The following USP38 variants were observed in gnomAD, a reference collection of about 807,000 sequenced individuals.
USP38 encodes the protein ubiquitin specific peptidase 38.
In USP38, 49 loss-of-function variants were observed where a neutral mutation model predicts 94.3. The ratio of observed to expected loss-of-function variants is 0.52; its 90% CI spans 0.41 to 0.66. The LOEUF (loss-of-function observed/expected upper bound fraction) is 0.66. Ranked by LOEUF, USP38 falls within the 30% of genes least tolerant of loss-of-function variation. The pLI, the probability that USP38 is intolerant of heterozygous loss-of-function variation, is 0.00. For synonymous variants in USP38, 468 were observed against 463.6 expected (o/e 1.01, Z -0.12); for missense variants, 1,128 against 1,229.4 (o/e 0.92, Z 1.23).
chr4:143,211,485 A>T (rs1395829308), intron 7 of USP38, among the ~76,000 whole-genome samples: 1 of 152,110 alleles, frequency 6.6e-6, no homozygotes, highest in Non-Finnish European at 1.5e-5. Context: ...CAGGGTTGAG[A>T]TATGAACCAA....
Position 143,185,979 on chromosome 4 carries a change from C to T in USP38, c.529C>T (p.His177Tyr). Residue 177 changes from histidine (H) to tyrosine (Y), a missense_variant, in exon 1 of 10, where the codon CAT (histidine) becomes TAT (tyrosine). By Grantham distance (83) the His-to-Tyr change is moderately conservative. Coordinates refer to ENST00000307017, the MANE Select transcript of USP38 (RefSeq NM_032557.6). ...FCQQLVRTIGHFQCVSTQERE... is the reference protein window; with the variant it reads ...FCQQLVRTIGYFQCVSTQERE... ...TCAACAGCTGGTTCGAACGATAGGC[C>T]ATTTCCAGTGCGTGTCCACCCAGGA... The T allele has an allele frequency of 1.2e-6, 2 of 1,614,172 alleles. No individual in the cohort carries two copies. Among genetic ancestry groups the T allele is most frequent in the Non-Finnish European group, 1.7e-6 (2 of 1,180,046 alleles).
At position 143,185,583 on chromosome 4, in the gene USP38, A is replaced by G; in HGVS notation, c.133A>G (p.Thr45Ala). The G allele has an allele frequency of 6.2e-7, 1 of 1,614,098 alleles. No individual in the cohort carries two copies. Among genetic ancestry groups the G allele is most frequent in the Admixed American group, 1.7e-5 (1 of 60,016 alleles). Residue 45 changes from threonine to alanine, a missense_variant, in exon 1 of 10, where the codon ACG (threonine) becomes GCG (alanine). Transcript: ENST00000307017. ...EAQCEAMFDL[T>A]TRLILEGQDP... ...GCAGTGCGAGGCCATGTTTGACCTGACGACCCGGCTCATCCTGGAGGGCCA... is the reference window on the plus strand; with the variant it reads ...GCAGTGCGAGGCCATGTTTGACCTGGCGACCCGGCTCATCCTGGAGGGCCA...
At position 143,213,945 on chromosome 4, in the gene USP38, C is replaced by T; in HGVS notation, c.1969C>T (p.Pro657Ser). 6.2e-7 allele frequency: 1 copy of T among 1,613,668 alleles called. No individual in the cohort carries two copies. The highest frequency in any genetic ancestry group is 8.5e-7 in the Non-Finnish European group (1 of 1,179,796). The change falls in exon 9 of 10, where the codon CCA becomes TCA. Residue 657 changes from proline (P) to serine (S), a missense_variant. Physicochemically the swap from Pro to Ser is moderately conservative, Grantham distance 74 (BLOSUM62 -1). Transcript: ENST00000307017. ...CTCTGTACCCGGTCCTTCAGAAGAA[C>T]CAGTAGTTTATAATCCAACAACAGC... The part of the protein sequence containing the change: ...QASVPGPSEE[P>S]VVYNPTTAAF...
chr4:143,193,753 A>C (rs1201941316), intron 2 of USP38, among the ~76,000 whole-genome samples: 2 of 152,270 alleles, frequency 1.3e-5, no homozygotes, highest in African/African-American at 4.8e-5. Flanking sequence ...AGATAGTTAT[A>C]TAACACAACT....
chr4:143,186,020 A>G lies in USP38; in HGVS notation c.570A>G (p.Glu190=). Residue 190 remains glutamate, a synonymous_variant, in exon 1 of 10, where the codon GAA becomes GAG. Coordinates refer to ENST00000307017, the MANE Select transcript of USP38 (RefSeq NM_032557.6). ...CVSTQERELR[E]YVSQVTKVSN... is the part of the protein sequence containing the mutation. The stretch of plus-strand genomic sequence containing the variant: ...CCACCCAGGAAAGAGAGCTGCGGGA[A>G]TATGTCTCCCAGGTGACAAAAGTGA... The G allele has an allele frequency of 6.2e-7, 1 of 1,614,210 alleles. No individual in the cohort carries two copies. The highest frequency in any genetic ancestry group is 1.3e-5 in the African/African-American group (1 of 75,042).
In USP38 at chr4:143,214,919, A is replaced by G; in HGVS notation, c.2943A>G (p.Thr981=). Residue 981 remains threonine, a synonymous_variant, in exon 9 of 10, where the codon ACA becomes ACG. Transcript: ENST00000307017. ...PLQKELMDAI[T]KDNKLYLQEQ... ...AGAAAGAACTTATGGATGCTATAAC[A>G]AAAGACAATAAACTATATTTACAGG... 1 of 1,612,388 alleles carries G rather than the reference A, an allele frequency of 6.2e-7. No individual in the cohort carries two copies. The highest frequency in any genetic ancestry group is 2.2e-5 in the East Asian group (1 of 44,814).
At chr4:143,204,489 A>G in intron 5 of USP38, 1 of 437,086 alleles carries the variant, frequency 2.3e-6, no homozygotes, top group Non-Finnish European at 4.5e-6. Context: ...TCTTGAGCTC[A>G]AGTGACCCTC....
At chr4:143,203,346 G>A (rs1298130237) in intron 4 of USP38, 62 bp from the exon 5 acceptor site, 1 of 1,502,858 alleles carries the variant, frequency 6.7e-7, no homozygotes, top group Non-Finnish European at 9.1e-7. Flanking sequence ...TCTGTTTGTA[G>A]GCTAGAGAAT....
chr4:143,186,198 A>G (rs1466307863), intron 1 of USP38, 66 bp downstream of exon 1: 6 of 1,476,632 alleles, frequency 4.1e-6, no homozygotes, highest in African/African-American at 2.8e-5. Flanking sequence ...GCACACACAC[A>G]TTCACACCAT....
At chr4:143,195,688 T>C (rs1336629343) in intron 2 of USP38, 28 bp from the exon 3 acceptor site, 1 of 1,567,420 alleles carries the variant, frequency 6.4e-7, no homozygotes, top group South Asian at 1.2e-5. Flanking sequence ...TTTTCAATAA[T>C]GATTGTTTCA....
At chr4:143,212,229 C>G (rs1732045256) in intron 7 of USP38, 89 bp from the exon 8 acceptor site, 1 of 1,022,664 alleles carries the variant, frequency 9.8e-7, no homozygotes, top group Admixed American at 3.0e-5. Flanking sequence ...TGTAAATAAC[C>G]TTTATTAAAC....
rs546515839 is a variant in USP38 at position 143,212,488 on chromosome 4, A to C, written c.1604+64A>C. 5 of 1,059,868 alleles carry C rather than the reference A, an allele frequency of 4.7e-6. No homozygotes were observed. The East Asian group carries it at 8.2e-5, about 17-fold the overall frequency. The allele number at this position is 1,059,868 out of a possible 1,614,324, so 65.7% of individuals were successfully genotyped here. A position where few individuals can be genotyped will look rare whatever the true frequency, so the allele number is the denominator to read the frequency against. On this transcript the variant is annotated intron_variant, in intron 8 of 9. Coordinates refer to ENST00000307017, the MANE Select transcript of USP38 (RefSeq NM_032557.6). The stretch of plus-strand genomic sequence containing the variant: ...TTTCATAACAGTTTAATTCTACTTA[A>C]TATTGCTTTTACCTTTAAAAACATA...
intron 7 of USP38, among the ~76,000 whole-genome samples, chr4:143,210,038 C>A (rs1731980393): frequency 6.6e-6 from 1 of 152,070 alleles, no homozygotes; most frequent in African/African-American, 2.4e-5. Flanking sequence ...CAATAATGAG[C>A]AAATAAAATA....
chr4:143,193,435 T>G (rs956625817), intron 2 of USP38, among the ~76,000 whole-genome samples: 2 of 152,222 alleles, frequency 1.3e-5, no homozygotes, highest in African/African-American at 2.4e-5. Flanking sequence ...TGTACACATA[T>G]GCAAGTGTGT....
At chr4:143,207,369 C>A (rs906198424) in intron 6 of USP38, among the ~76,000 whole-genome samples, 1 of 152,166 alleles carries the variant, frequency 6.6e-6, no homozygotes, top group Admixed American at 6.5e-5. Context: ...GAAACCCCGT[C>A]TCTACTAAAA....
intron 7 of USP38, among the ~76,000 whole-genome samples, chr4:143,210,460 G>T (rs1280111155): frequency 5.3e-5 from 8 of 151,960 alleles, no homozygotes; most frequent in Non-Finnish European, 1.2e-4. Context: ...GGTGGCACAC[G>T]CCTGTAATCC....
chr4:143,190,861 A>G (rs916388705), intron 2 of USP38, among the ~76,000 whole-genome samples: 4 of 152,114 alleles, frequency 2.6e-5, no homozygotes, highest in Non-Finnish European at 5.9e-5. Flanking sequence ...TCCACTACCT[A>G]CTAAGTCGAA....
At chr4:143,197,145 A>T (rs1731576079) in intron 3 of USP38, among the ~76,000 whole-genome samples, 1 of 152,020 alleles carries the variant, frequency 6.6e-6, no homozygotes, top group Non-Finnish European at 1.5e-5. Flanking sequence ...TTTTTTCTTC[A>T]TCTGTAGCAC....
rs1249204470 is a variant in USP38, at chr4:143,196,909, C to G, written c.949-914C>G. On this transcript the variant is annotated intron_variant, in intron 3 of 9. Coordinates refer to ENST00000307017, the MANE Select transcript of USP38 (RefSeq NM_032557.6). ...TTATCTTTTTTTCATTCCCTCTCAG[C>G]CCATATCCTACAAATTCTACTGATA... Among the ~76,000 whole-genome samples the G allele has an allele frequency of 3.3e-5, 5 of 152,222 alleles. No individual in the cohort carries two copies. In the East Asian group the frequency reaches 9.7e-4, roughly 29 times the overall value.
Sources: allele counts gnomAD v4.1 joint callset (sites outside exome capture counted in the v4.1 genomes callset), GRCh38; gene constraint gnomAD v4.1.1; transcripts MANE v1.5; gene names NCBI Gene and HGNC (gene_info 2026-07-23, HGNC 2026-07-21).